The following GRID1 variants were observed in gnomAD, a reference collection of about 807,000 sequenced individuals.
GRID1 encodes glutamate ionotropic receptor delta type subunit 1.
GRID1 carries 28 observed loss-of-function variants against 98.0 expected under a neutral mutation model. The ratio of observed to expected loss-of-function variants is 0.29; its 90% confidence interval spans 0.21 to 0.39. GRID1 has a LOEUF of 0.39. GRID1 is among the 10% of genes least tolerant of loss of function. The pLI is 1.00. For missense variants in GRID1, 1,111 were observed against 1,340.5 expected, an observed-to-expected ratio of 0.83 and a Z score of 2.67; for synonymous variants, 553 against 538.5, an observed-to-expected ratio of 1.03 and a Z score of -0.37.
chr10:85,668,272 T>C (rs559466949), intron 12 of GRID1, among the ~76,000 whole-genome samples: 2 of 152,180 alleles, frequency 1.3e-5, no homozygotes, highest in Non-Finnish European at 2.9e-5. Flanking sequence ...AACAGTCAGA[T>C]TCATTCCATA....
intron 2 of GRID1, among the ~76,000 whole-genome samples, chr10:86,249,523 G>T (rs1846786648): frequency 6.6e-6 from 1 of 152,098 alleles, no homozygotes; most frequent in African/African-American, 2.4e-5. Context: ...CCCTTTGAGG[G>T]TCTTGACTAC....
chr10:86,268,575 G>A (rs556336812), intron 2 of GRID1, among the ~76,000 whole-genome samples: 4 of 152,210 alleles, frequency 2.6e-5, no homozygotes, highest in South Asian at 2.1e-4. Context: ...TCAGGGACTC[G>A]AATAGGAGGC....
At chr10:85,667,882 C>T (rs1213472736) in intron 12 of GRID1, among the ~76,000 whole-genome samples, 1 of 152,216 alleles carries the variant, frequency 6.6e-6, no homozygotes, top group Non-Finnish European at 1.5e-5. Context: ...ATGACAGCTC[C>T]CCTTGCCCTC....
rs547939117 is a variant in GRID1 at position 86,003,374 on chromosome 10, T to C, written c.727-87135A>G. The stretch of plus-strand genomic sequence containing the variant: ...ACAGCTGTTCATCCAGATATAGCCC[T>C]GATGTCCTAAGAACATGTCAGCTTC... On this transcript the variant is annotated intron_variant, in intron 4 of 15. Coordinates refer to ENST00000327946, the MANE Select transcript of GRID1 (RefSeq NM_017551.3). Among the ~76,000 whole-genome samples the C allele has an allele frequency of 4.5e-3, 689 of 152,368 alleles. 6 individuals carry two copies. Among genetic ancestry groups the C allele is most frequent in the African/African-American group, 0.016 (654 of 41,590 alleles).
intron 2 of GRID1, among the ~76,000 whole-genome samples, chr10:86,267,991 C>G (rs556957800): frequency 6.6e-6 from 1 of 152,340 alleles, no homozygotes; most frequent in South Asian, 2.1e-4. Flanking sequence ...CTCTGCGCAC[C>G]CACAGCCCGG....
intron 4 of GRID1, among the ~76,000 whole-genome samples, chr10:86,097,564 T>A (rs1215692014): frequency 6.6e-6 from 1 of 152,170 alleles, no homozygotes; most frequent in Non-Finnish European, 1.5e-5. Context: ...CTATCTATAA[T>A]CTATCTATCT....
chr10:86,116,609 GA>G (rs897984133), intron 4 of GRID1, among the ~76,000 whole-genome samples: 1 of 152,192 alleles, frequency 6.6e-6, no homozygotes, highest in Non-Finnish European at 1.5e-5. Context: ...TCTATTTCCA[GA>G]GGTGAGCCCT....
intron 12 of GRID1, among the ~76,000 whole-genome samples, chr10:85,682,393 C>T (rs1384468988): frequency 6.6e-6 from 1 of 152,190 alleles, no homozygotes; most frequent in Admixed American, 6.5e-5. Context: ...AGACCATAGA[C>T]CTGGTCATAG....
Position 85,602,398 on chromosome 10 carries a change from T to G in GRID1, c.2905A>C (p.Arg969=). ...ATMPSMQCKH[R]SPNGGLFRQS... ...CGGAACAGCCCCCCGTTGGGTGACC[T>G]GTGTTTGCACTGCATGGAGGGCATG... Residue 969 remains arginine (R), a synonymous_variant, in exon 16 of 16, where the codon AGG becomes CGG. Coordinates refer to ENST00000327946, the MANE Select transcript of GRID1 (RefSeq NM_017551.3). 6.2e-7 allele frequency: 1 copy of G among 1,610,610 alleles called. No homozygotes were observed. The highest frequency in any genetic ancestry group is 1.1e-5 in the South Asian group (1 of 90,992).
At chr10:86,229,243 C>A (rs1564712723) in intron 2 of GRID1, among the ~76,000 whole-genome samples, 1 of 152,148 alleles carries the variant, frequency 6.6e-6, no homozygotes, top group Non-Finnish European at 1.5e-5. Context: ...GTGCCTGGGG[C>A]CAGCACTGCC....
At chr10:85,681,376 AT>A (rs11353998) in intron 12 of GRID1, among the ~76,000 whole-genome samples, 5,324 of 152,278 alleles carry the variant, frequency 0.035, 274 homozygotes, top group African/African-American at 0.12. Context: ...TGAAGCAGAT[AT>A]TAGTATTCTT....
intron 2 of GRID1, among the ~76,000 whole-genome samples, chr10:86,353,615 G>A (rs1476439551): frequency 6.6e-6 from 1 of 152,212 alleles, no homozygotes; most frequent in African/African-American, 2.4e-5. Context: ...CTGAGGCTCA[G>A]GTCCCTTCAC....
At chr10:86,173,249 G>A (rs1377566465) in intron 3 of GRID1, among the ~76,000 whole-genome samples, 2 of 152,182 alleles carry the variant, frequency 1.3e-5, no homozygotes, top group Admixed American at 1.3e-4. Flanking sequence ...ATGTTGCCCA[G>A]GCTGGTCTCA....
chr10:86,123,380 T>C (rs564710279), intron 4 of GRID1, among the ~76,000 whole-genome samples: 1 of 152,156 alleles, frequency 6.6e-6, no homozygotes. Flanking sequence ...TCTCCCACAA[T>C]GTCAGTGAGT....
intron 2 of GRID1, among the ~76,000 whole-genome samples, chr10:86,294,819 CAG>C (rs913142425): frequency 3.9e-5 from 6 of 152,096 alleles, no homozygotes; most frequent in Non-Finnish European, 7.3e-5. Flanking sequence ...CAACAGAAGA[CAG>C]ATGATTAAAG....
At position 85,652,217 on chromosome 10, in the gene GRID1, C is replaced by T. The variant is rs117998996; in HGVS notation, c.1998-4820G>A. ...CTCCTGTCCTCCCCACACCTTTCTC[C>T]GTAAATCAATCTTACTATTTCCTAG... On this transcript the variant is annotated intron_variant, in intron 12 of 15. Transcript: ENST00000327946. Among the ~76,000 whole-genome samples the T allele has an allele frequency of 1.6e-3, 247 of 152,250 alleles. 1 individual carries two copies. The East Asian group carries it at 0.036, about 22-fold the overall frequency.
At chr10:85,609,629 A>G (rs1430240308) in intron 15 of GRID1, among the ~76,000 whole-genome samples, 1 of 152,200 alleles carries the variant, frequency 6.6e-6, no homozygotes, top group Non-Finnish European at 1.5e-5. Flanking sequence ...CAGAGGGGCC[A>G]TCTGCTTCTC....
At chr10:86,337,697 A>ATTTTTT (rs1848243959) in intron 2 of GRID1, among the ~76,000 whole-genome samples, 1 of 110,032 alleles carries the variant, frequency 9.1e-6, no homozygotes, top group African/African-American at 4.0e-5. Context: ...CCCTTTGGGA[A>ATTTTTT]CTTTTTTTTT....
intron 4 of GRID1, among the ~76,000 whole-genome samples, chr10:86,122,877 T>A (rs532087675): frequency 1.3e-5 from 2 of 152,266 alleles, no homozygotes; most frequent in South Asian, 4.1e-4. Flanking sequence ...GGAGCCCAGT[T>A]GGAACTGTTG....
Sources: gnomAD v4.1 joint callset for allele counts (sites outside exome capture counted in the v4.1 genomes callset) on GRCh38, gnomAD v4.1.1 for gene constraint, MANE v1.5 for transcripts, NCBI Gene and HGNC (gene_info 2026-07-23, HGNC 2026-07-21) for gene names.